Variants in USP4 observed in about 807,000 individuals in gnomAD.
USP4 encodes the protein ubiquitin carboxyl-terminal hydrolase 4.
A neutral mutation model predicts 118.2 loss-of-function variants in USP4; 72 were observed. The observed-to-expected ratio is 0.61, with a 90% confidence interval of 0.50 to 0.74. The LOEUF (loss-of-function observed/expected upper bound fraction) is 0.74, where lower values mean the gene tolerates loss of function less well. Among genes scored for constraint, USP4 ranks in the 30% least tolerant of loss-of-function variants. USP4 has a pLI of 0.00. For missense variants in USP4, 1,037 were observed against 1,185.7 expected, an observed-to-expected ratio of 0.87 and a Z score of 1.84; for synonymous variants, 415 against 440.4, an observed-to-expected ratio of 0.94 and a Z score of 0.72.
At chr3:49,327,357 G>A (rs1438108789) in intron 3 of USP4, among the ~76,000 whole-genome samples, 2 of 152,062 alleles carry the variant, frequency 1.3e-5, no homozygotes, top group Non-Finnish European at 2.9e-5. Context: ...CCAACATGGC[G>A]AAACCCCGTC....
At chr3:49,280,994 T>C in intron 19 of USP4, 147 bp from the exon 20 acceptor site, 1 of 624,076 alleles carries the variant, frequency 1.6e-6, no homozygotes. Context: ...GAAGGGACTC[T>C]AGGATCCATG....
chr3:49,286,071 G>C (rs768591584), intron 16 of USP4, 27 bp downstream of exon 16: 9 of 1,607,588 alleles, frequency 5.6e-6, no homozygotes, highest in Non-Finnish European at 6.8e-6. Flanking sequence ...CTAAAGCCCA[G>C]CTTGAAAGGT....
At chr3:49,314,678 T>C (rs1190859049) in intron 6 of USP4, among the ~76,000 whole-genome samples, 1 of 152,138 alleles carries the variant, frequency 6.6e-6, no homozygotes, top group African/African-American at 2.4e-5. Context: ...AGTATGGCAC[T>C]CCTCTTCTCA....
intron 15 of USP4, 152 bp from the exon 16 acceptor site, chr3:49,286,477 A>T (rs974383471): frequency 6.4e-6 from 5 of 787,066 alleles, no homozygotes; most frequent in Non-Finnish European, 9.9e-6. Context: ...TTGAATTCAC[A>T]TGTGACTCTC....
At chr3:49,306,805 A>G (rs2047323770) in intron 8 of USP4, among the ~76,000 whole-genome samples, 1 of 151,796 alleles carries the variant, frequency 6.6e-6, no homozygotes, top group South Asian at 2.1e-4. Context: ...TTTGTTTGAG[A>G]CAGAGTTTTG....
intron 6 of USP4, among the ~76,000 whole-genome samples, chr3:49,319,001 T>C (rs1476953218): frequency 6.6e-6 from 1 of 150,412 alleles, no homozygotes; most frequent in Non-Finnish European, 1.5e-5. Flanking sequence ...TATATTAAAT[T>C]GGAGGGAGGA....
intron 15 of USP4, among the ~76,000 whole-genome samples, chr3:49,289,668 C>T (rs1184257490): frequency 2.6e-5 from 4 of 152,030 alleles, no homozygotes; most frequent in Non-Finnish European, 4.4e-5. Flanking sequence ...GTCAGGAATT[C>T]GAGACCAGCC....
intron 2 of USP4, among the ~76,000 whole-genome samples, chr3:49,332,892 C>T (rs2047633193): frequency 6.6e-6 from 1 of 151,446 alleles, no homozygotes; most frequent in African/African-American, 2.4e-5. Flanking sequence ...AATAATTAGT[C>T]GAGTGTGGTG....
At chr3:49,290,902 C>T (rs1461933607) in intron 15 of USP4, among the ~76,000 whole-genome samples, 2 of 151,834 alleles carry the variant, frequency 1.3e-5, no homozygotes, top group African/African-American at 4.8e-5. Flanking sequence ...TAGCCTGAGC[C>T]TGGCAGGTTG....
intron 8 of USP4, among the ~76,000 whole-genome samples, chr3:49,307,873 C>T (rs1267629091): frequency 1.3e-5 from 2 of 152,174 alleles, no homozygotes; most frequent in Admixed American, 6.6e-5. Context: ...CCTGGTGGTA[C>T]ACACTTGTAG....
At chr3:49,306,375 G>C (rs1186115730) in intron 8 of USP4, among the ~76,000 whole-genome samples, 1 of 151,656 alleles carries the variant, frequency 6.6e-6, no homozygotes, top group African/African-American at 2.4e-5. Flanking sequence ...GCTAATTTTT[G>C]TATTTTCAGT....
intron 2 of USP4, among the ~76,000 whole-genome samples, chr3:49,334,871 G>A (rs1313058472): frequency 1.3e-5 from 2 of 152,090 alleles, no homozygotes; most frequent in Admixed American, 6.6e-5. Context: ...CTTTAAAGAG[G>A]TCTGAAGTCA....
intron 5 of USP4, 56 bp downstream of exon 5, chr3:49,324,838 C>A (rs1243929284): frequency 6.2e-7 from 1 of 1,613,942 alleles, no homozygotes; most frequent in Admixed American, 1.7e-5. Flanking sequence ...CAAAAAGTAT[C>A]TGGCCACACA....
Position 49,326,568 on chromosome 3 carries a change from T to C in USP4, c.361-723A>G, listed in dbSNP as rs2047557546. Reference sequence around the variant, plus strand: ...CCCACCATCATGCCCAGCTAATTTTTGTATTTTTAGTAGAGACAGGATTTC... The same window carrying C: ...CCCACCATCATGCCCAGCTAATTTTCGTATTTTTAGTAGAGACAGGATTTC... On this transcript the variant is annotated intron_variant, in intron 3 of 21. Transcript: ENST00000265560. 2.0e-5 allele frequency among the ~76,000 whole-genome samples: 3 copies of C among 150,908 alleles called. No individual in the cohort carries two copies. In the South Asian group the frequency reaches 6.3e-4, roughly 32 times the overall value.
intron 8 of USP4, among the ~76,000 whole-genome samples, chr3:49,308,520 T>C (rs2047345018): frequency 6.6e-6 from 1 of 151,902 alleles, no homozygotes; most frequent in East Asian, 2.0e-4. Context: ...GGGGTTTCAC[T>C]ATGTTGGCCA....
chr3:49,283,410 C>A (rs368300283), intron 19 of USP4, among the ~76,000 whole-genome samples: 1 of 152,244 alleles, frequency 6.6e-6, no homozygotes, highest in East Asian at 1.9e-4. Flanking sequence ...GATCCTCCCA[C>A]CTTGGCCTCC....
chr3:49,296,167 T>C (rs926304416), intron 13 of USP4, among the ~76,000 whole-genome samples: 6 of 150,970 alleles, frequency 4.0e-5, no homozygotes, highest in Non-Finnish European at 8.8e-5. Flanking sequence ...CCATCTCTAC[T>C]TAAAATACAA....
At chr3:49,284,276 G>T in intron 18 of USP4, 140 bp from the exon 19 acceptor site, 1 of 1,266,388 alleles carries the variant, frequency 7.9e-7, no homozygotes, top group Non-Finnish European at 1.1e-6. Flanking sequence ...TCTGGCCAGG[G>T]ACCTGTCTTC....
chr3:49,292,475 G>C lies in USP4; in HGVS notation c.1972+35C>G, dbSNP rs763105271. 1.2e-5 allele frequency: 16 copies of C among 1,364,114 alleles called. No individual in the cohort carries two copies. The East Asian group carries it at 4.0e-4, about 34-fold the overall frequency. The allele number at this position is 1,364,114 out of a possible 1,614,324, so 84.5% of individuals were successfully genotyped here. On this transcript the variant is annotated intron_variant, in intron 15 of 21. Transcript: ENST00000265560. Reference sequence around the variant, plus strand: ...GAAGAGGGAAATCAGGAGGTATTTGGTCAGTCACAGCCACAGAGCATGGTG... The same window carrying C: ...GAAGAGGGAAATCAGGAGGTATTTGCTCAGTCACAGCCACAGAGCATGGTG...
Sources: gnomAD v4.1 joint callset for allele counts (sites outside exome capture counted in the v4.1 genomes callset) on GRCh38, gnomAD v4.1.1 for gene constraint, MANE v1.5 for transcripts, NCBI Gene and HGNC (gene_info 2026-07-23, HGNC 2026-07-21) for gene names.